The following FCMR variants were observed in gnomAD, a reference collection of about 807,000 sequenced individuals.
FCMR encodes immunoglobulin mu Fc receptor.
FCMR carries 34 observed loss-of-function variants against 41.6 expected under a neutral mutation model. The observed-to-expected ratio is 0.82, with a 90% CI of 0.62 to 1.09. The LOEUF is 1.09. Among genes scored for constraint, FCMR ranks in the 50% least tolerant of loss-of-function variants. The pLI is 0.00. For synonymous variants in FCMR, 209 were observed against 211.8 expected, an observed-to-expected ratio of 0.99 and a Z score of 0.12; for missense variants, 496 against 512.5, an observed-to-expected ratio of 0.97 and a Z score of 0.31.
chr1:206,908,122 A>T (rs2102546349), intron 7 of FCMR: 1 of 1,253,856 alleles, frequency 8.0e-7, no homozygotes, highest in Non-Finnish European at 1.1e-6. Flanking sequence ...GTTCCACTAC[A>T]GGAAGAAGAA....
chr1:206,907,936 G>A (rs539016004), intron 7 of FCMR: 5 of 1,293,796 alleles, frequency 3.9e-6, no homozygotes, highest in East Asian at 2.3e-5. Context: ...GGTGTTTGAC[G>A]GCATCCTACT....
chr1:206,915,669 TTG>T (rs1384153973), intron 1 of FCMR, among the ~76,000 whole-genome samples: 1 of 151,910 alleles, frequency 6.6e-6, no homozygotes, highest in Non-Finnish European at 1.5e-5. Flanking sequence ...TAGGGTAAAG[TTG>T]TGTGTGTGTG....
intron 2 of FCMR, 32 bp from the exon 3 acceptor site, chr1:206,913,074 C>T: frequency 6.5e-7 from 1 of 1,527,392 alleles, no homozygotes; most frequent in Non-Finnish European, 9.1e-7. Context: ...TGTTGGTGGT[C>T]TCTAGGGGGA....
At chr1:206,910,980 A>G (rs1007809638) in intron 4 of FCMR, among the ~76,000 whole-genome samples, 34 of 152,196 alleles carry the variant, frequency 2.2e-4, no homozygotes, top group African/African-American at 8.0e-4. Context: ...AGATCTGGAT[A>G]TTGCATATTG....
rs557748942 is a variant in FCMR at position 206,904,346 on chromosome 1, T to C, written c.*673A>G. ...GGAGATGCTGAGGTCAGGGCACTTA[T>C]GTGCATCAAGTGATGGAGACAGAGT... On this transcript the variant is annotated 3_prime_UTR_variant, in exon 8 of 8. Transcript: ENST00000367091. The C allele has an allele frequency of 6.6e-5, 10 of 151,852 alleles. No homozygotes were observed. The highest frequency in any genetic ancestry group is 6.6e-4 in the Admixed American group (10 of 15,214). 9.4% of individuals were successfully genotyped at this position (151,852 alleles called of 1,614,324 possible).
intron 7 of FCMR, among the ~76,000 whole-genome samples, chr1:206,907,433 C>G (rs1256487049): frequency 6.6e-6 from 1 of 152,188 alleles, no homozygotes. Flanking sequence ...GAGGGAATTT[C>G]AGTCCCGAGA....
At chr1:206,918,096 C>T (rs921028795) in intron 1 of FCMR, among the ~76,000 whole-genome samples, 1 of 152,212 alleles carries the variant, frequency 6.6e-6, no homozygotes. Context: ...TCCACTGAAA[C>T]TGCTCTTGTC....
At chr1:206,906,620 A>G (rs291106) in intron 7 of FCMR, among the ~76,000 whole-genome samples, 53,660 of 152,008 alleles carry the variant, frequency 0.35, 10,513 homozygotes, top group Middle Eastern at 0.49. Context: ...AATGCTCCCC[A>G]TGGAAGCTAT....
rs752410396 is a variant in FCMR, at chr1:206,910,346, G to T, written c.711-6C>A. The T allele has an allele frequency of 6.5e-7, 1 of 1,542,432 alleles. No homozygotes were observed. Among genetic ancestry groups the T allele is most frequent in the African/African-American group, 1.4e-5 (1 of 72,208 alleles). ...GTGAGCCATAGTCCAGTGCTCTGGG[G>T]AGGGAAGGAAAGGGAGAGAGGGAGG... On this transcript the variant is annotated splice_polypyrimidine_tract_variant and splice_region_variant and intron_variant, in intron 4 of 7. Transcript: ENST00000367091.
intron 3 of FCMR, among the ~76,000 whole-genome samples, chr1:206,912,354 C>T (rs1678979432): frequency 6.6e-6 from 1 of 152,196 alleles, no homozygotes. Flanking sequence ...TGGCTCTCAG[C>T]AGGGTTACCT....
At position 206,913,755 on chromosome 1, in the gene FCMR, C is replaced by T. The variant is rs776373061; in HGVS notation, c.373+4G>A. On this transcript the variant is annotated splice_donor_region_variant and intron_variant, in intron 2 of 7. Transcript: ENST00000367091. ...CTGAGCCTCCAATCAGCGGAGGAAC[C>T]TACCACTGTGGACATTCAGGGTGAC... 2 of 1,612,876 alleles carry T rather than the reference C, an allele frequency of 1.2e-6. No homozygotes were observed. The highest frequency in any genetic ancestry group is 2.2e-5 in the South Asian group (2 of 91,064).
intron 1 of FCMR, among the ~76,000 whole-genome samples, chr1:206,914,399 C>T (rs1201296591): frequency 7.6e-6 from 1 of 131,024 alleles, no homozygotes; most frequent in African/African-American, 3.3e-5. Context: ...TCTCTTTTCT[C>T]TTTCTTTCTT....
intron 4 of FCMR, among the ~76,000 whole-genome samples, chr1:206,911,315 CT>C (rs1384501210): frequency 6.6e-6 from 1 of 152,080 alleles, no homozygotes; most frequent in African/African-American, 2.4e-5. Flanking sequence ...GCACCCCAGC[CT>C]TTAGACCGGT....
intron 1 of FCMR, among the ~76,000 whole-genome samples, chr1:206,920,919 C>T (rs1679411205): frequency 6.6e-6 from 1 of 152,152 alleles, no homozygotes; most frequent in Admixed American, 6.5e-5. Context: ...AATGAGGATA[C>T]ATGGGAAGAG....
intron 2 of FCMR, among the ~76,000 whole-genome samples, chr1:206,913,351 AG>A (rs1265398392): frequency 1.3e-5 from 2 of 152,228 alleles, no homozygotes; most frequent in Non-Finnish European, 2.9e-5. Flanking sequence ...ATAAAGGATC[AG>A]GTCACAGAGT....
In FCMR at chr1:206,912,987, A is replaced by C; in HGVS notation, c.429T>G (p.His143Gln). ...QPMPETPKWF[H>Q]LPYLFQMPAY... Reference sequence around the variant, plus strand: ...CAGGCATCTGGAACAAATAGGGCAGATGAAACCATTTTGGAGTCTCAGGCA... The same window carrying C: ...CAGGCATCTGGAACAAATAGGGCAGCTGAAACCATTTTGGAGTCTCAGGCA... The change falls in exon 3 of 8, where the codon CAT (histidine) becomes CAG (glutamine). Residue 143 changes from histidine to glutamine, a missense_variant. Coordinates refer to ENST00000367091, the MANE Select transcript of FCMR (RefSeq NM_005449.5). The C allele has an allele frequency of 6.2e-7, 1 of 1,614,052 alleles. No homozygotes were observed. Among genetic ancestry groups the C allele is most frequent in the Non-Finnish European group, 8.5e-7 (1 of 1,179,874 alleles).
In FCMR at chr1:206,913,794, C is replaced by A; in HGVS notation, c.338G>T (p.Gly113Val). ...ATTCAGGGTGACTTTCTGGGTCTTT[C>A]CCCGGTCTGTGTTCATGCCCGCTCC... ...ACGAGMNTDRGKTQKVTLNVH... is the reference protein window; with the variant it reads ...ACGAGMNTDRVKTQKVTLNVH... Residue 113 changes from glycine to valine, a missense_variant, in exon 2 of 8, where the codon GGA (glycine) becomes GTA (valine). Transcript: ENST00000367091. 6.2e-7 allele frequency: 1 copy of A among 1,614,214 alleles called. No homozygotes were observed. Among genetic ancestry groups the A allele is most frequent in the African/African-American group, 1.3e-5 (1 of 75,044 alleles).
chr1:206,908,235 A>G (rs376327877), intron 7 of FCMR: 5 of 1,347,558 alleles, frequency 3.7e-6, no homozygotes, highest in South Asian at 1.2e-5. Flanking sequence ...TCTGAGCCCA[A>G]TAAAGACTGT....
intron 1 of FCMR, chr1:206,921,505 G>A: frequency 2.2e-6 from 1 of 464,962 alleles, no homozygotes; most frequent in South Asian, 2.0e-5. Context: ...AGAGTCTGGG[G>A]TGGTAGGATC....
Sources: gnomAD v4.1 joint callset for allele counts (sites outside exome capture counted in the v4.1 genomes callset) on GRCh38, gnomAD v4.1.1 for gene constraint, MANE v1.5 for transcripts, NCBI Gene and HGNC (gene_info 2026-07-23, HGNC 2026-07-21) for gene names.